The following FYB2 variants were observed in gnomAD, a reference collection of about 807,000 sequenced individuals.
The protein encoded by FYB2 is FYN binding protein 2, also known as FYN-binding protein 2.
FYB2 carries 103 observed loss-of-function variants against 94.1 expected under a neutral mutation model. The ratio of observed to expected loss-of-function variants is 1.09; its 90% CI spans 0.93 to 1.29. The LOEUF (loss-of-function observed/expected upper bound fraction) is 1.29, where lower values mean the gene tolerates loss of function less well. FYB2 is among the 50% of genes most tolerant of loss of function. The pLI, the probability that FYB2 is intolerant of heterozygous loss-of-function variation, is 0.00. For synonymous variants in FYB2, 293 were observed against 287.9 expected, an observed-to-expected ratio of 1.02 and a Z score of -0.18; for missense variants, 896 against 841.5, an observed-to-expected ratio of 1.06 and a Z score of -0.80.
intron 1 of FYB2, among the ~76,000 whole-genome samples, chr1:56,798,115 A>C (rs1646441879): frequency 6.6e-6 from 1 of 152,236 alleles, no homozygotes; most frequent in South Asian, 2.1e-4. Flanking sequence ...GAGTCAGTGA[A>C]TAGATATTTA....
chr1:56,768,877 G>A (rs1221470629), intron 4 of FYB2, among the ~76,000 whole-genome samples: 3 of 152,024 alleles, frequency 2.0e-5, no homozygotes, highest in Admixed American at 6.6e-5. Context: ...AAGCCATTAG[G>A]TAAAAACAAG....
At position 56,819,316 on chromosome 1, in the gene FYB2, G is replaced by C. The variant is rs746997146; in HGVS notation, c.-26C>G. On this transcript the variant is annotated 5_prime_UTR_variant, in exon 1 of 20. Transcript: ENST00000343433. The stretch of plus-strand genomic sequence containing the variant: ...TGCTTTCCTCCAAGGCAGAGTCAGG[G>C]AAACAAGCCCAGCCTCTCAGAGCTG... 2 of 1,614,128 alleles carry C rather than the reference G, an allele frequency of 1.2e-6. No individual in the cohort carries two copies. The highest frequency in any genetic ancestry group is 2.2e-5 in the East Asian group (1 of 44,872).
intron 15 of FYB2, among the ~76,000 whole-genome samples, chr1:56,735,370 G>C (rs1644807281): frequency 6.6e-6 from 1 of 152,068 alleles, no homozygotes; most frequent in Non-Finnish European, 1.5e-5. Flanking sequence ...AGAAAGTTAA[G>C]CACGACATGT....
intron 5 of FYB2, among the ~76,000 whole-genome samples, chr1:56,759,243 T>C (rs767661015): frequency 1.6e-4 from 25 of 152,178 alleles, no homozygotes; most frequent in Non-Finnish European, 3.2e-4. Context: ...AATAGTTCTG[T>C]GGATTTTATT....
At chr1:56,824,267 G>A (rs185492967), upstream of FYB2, 174 of 152,396 alleles carry the variant, frequency 1.1e-3, 6 homozygotes, top group East Asian at 0.021. Flanking sequence ...TTTGTGTCTC[G>A]TGAGGGCCAC....
chr1:56,821,450 AC>A (rs1646991135), upstream of FYB2, among the ~76,000 whole-genome samples: 1 of 152,180 alleles, frequency 6.6e-6, no homozygotes, highest in Admixed American at 6.5e-5. Context: ...TGTATGTCTT[AC>A]GATCCTCTAG....
chr1:56,780,331 C>A (rs1170411026), intron 4 of FYB2, among the ~76,000 whole-genome samples: 1 of 152,212 alleles, frequency 6.6e-6, no homozygotes, highest in Non-Finnish European at 1.5e-5. Context: ...GATCCCTCTG[C>A]ACAGAAAATG....
At chr1:56,736,969 G>A in intron 15 of FYB2, 118 bp downstream of exon 15, 2 of 804,232 alleles carry the variant, frequency 2.5e-6, no homozygotes, top group South Asian at 3.3e-5. Context: ...ACTATCTTAA[G>A]TTGACTTTTC....
chr1:56,730,241 G>T (rs967266672), intron 15 of FYB2, among the ~76,000 whole-genome samples: 1 of 144,362 alleles, frequency 6.9e-6, no homozygotes, highest in Non-Finnish European at 1.5e-5. Context: ...CAAAAAGCTG[G>T]TGTTTTGAAA....
intron 1 of FYB2, among the ~76,000 whole-genome samples, chr1:56,801,655 T>C (rs1377957540): frequency 6.6e-6 from 1 of 152,218 alleles, no homozygotes; most frequent in Non-Finnish European, 1.5e-5. Context: ...CCCTTTCATC[T>C]TACCCACTTG....
At chr1:56,795,506 T>C (rs1646376041) in intron 1 of FYB2, among the ~76,000 whole-genome samples, 1 of 152,164 alleles carries the variant, frequency 6.6e-6, no homozygotes, top group South Asian at 2.1e-4. Flanking sequence ...AGAAGTGAAA[T>C]TGCTGGACTA....
At position 56,790,811 on chromosome 1, in the gene FYB2, C is replaced by T. The variant is rs139498037; in HGVS notation, c.757+1245G>A. Among the ~76,000 whole-genome samples the T allele has an allele frequency of 2.0e-3, 309 of 152,276 alleles. 1 individual carries two copies. The highest frequency in any genetic ancestry group is 6.7e-3 in the African/African-American group (279 of 41,562). On this transcript the variant is annotated intron_variant, in intron 2 of 19. Transcript: ENST00000343433. ...GTGAGCTGTTGATGATGAGGCAGTA[C>T]ACTTTATAGAGAGAGGTTAGAGAAA... is the stretch of plus-strand genomic sequence containing the variant.
intron 4 of FYB2, among the ~76,000 whole-genome samples, chr1:56,779,759 GA>G (rs1180942106): frequency 1.3e-5 from 2 of 152,030 alleles, no homozygotes; most frequent in African/African-American, 4.8e-5. Flanking sequence ...AAATAAAGGT[GA>G]AAAATATATA....
intron 4 of FYB2, among the ~76,000 whole-genome samples, chr1:56,782,835 G>A (rs536617242): frequency 1.1e-3 from 168 of 152,196 alleles, no homozygotes; most frequent in African/African-American, 3.8e-3. Context: ...ATGTGTCTGA[G>A]TCAGATTCCC....
chr1:56,816,776 C>T (rs750970459), intron 1 of FYB2, among the ~76,000 whole-genome samples: 4 of 152,188 alleles, frequency 2.6e-5, no homozygotes, highest in Non-Finnish European at 5.9e-5. Context: ...TGCTTTCAAA[C>T]CTGCTCTGTG....
Position 56,744,234 on chromosome 1 carries a change from C to G in FYB2, c.1420G>C (p.Glu474Gln), listed in dbSNP as rs139281548. 7 of 1,612,102 alleles carry G rather than the reference C, an allele frequency of 4.3e-6. No individual in the cohort carries two copies. In the African/African-American group the frequency reaches 6.7e-5, roughly 15 times the overall value. The change falls in exon 10 of 20, where the codon GAA (glutamate) becomes CAA (glutamine). Residue 474 changes from glutamate to glutamine, a missense_variant. By Grantham distance (29) the Glu-to-Gln change is conservative. Coordinates refer to ENST00000343433, the MANE Select transcript of FYB2 (RefSeq NM_001004303.5). ...GHLEVLESTK[E>Q]TPDLGVSKTS... is the part of the protein sequence containing the mutation. ...TTAGAGACCCCTAGGTCTGGAGTTT[C>G]TTTAGTTGACTCCAAAACCTCCAGA...
chr1:56,768,841 A>G (rs17114306), intron 4 of FYB2, among the ~76,000 whole-genome samples: 10,313 of 152,140 alleles, frequency 0.068, 1,051 homozygotes, highest in African/African-American at 0.22. Flanking sequence ...TGTTTTTAGT[A>G]TTCCAAGAAA....
Position 56,720,339 on chromosome 1 carries a change from G to A in FYB2, c.1975-10C>T. ...TAATCTCTTTGTCGTACTGAAATGA[G>A]AAATTACTAATCAGACCATTCTTGC... On this transcript the variant is annotated splice_polypyrimidine_tract_variant and intron_variant, in intron 17 of 19. Coordinates refer to ENST00000343433, the MANE Select transcript of FYB2 (RefSeq NM_001004303.5). The A allele has an allele frequency of 6.3e-7, 1 of 1,590,628 alleles. No individual in the cohort carries two copies. The highest frequency in any genetic ancestry group is 1.4e-5 in the African/African-American group (1 of 73,880).
chr1:56,738,781 C>T (rs1644886463), intron 13 of FYB2, 128 bp from the exon 14 acceptor site: 1 of 906,660 alleles, frequency 1.1e-6, no homozygotes, highest in African/African-American at 1.7e-5. Flanking sequence ...TCTCTGACTC[C>T]AAGTAAAAAT....
Sources: gnomAD v4.1 joint callset for allele counts (sites outside exome capture counted in the v4.1 genomes callset) on GRCh38, gnomAD v4.1.1 for gene constraint, MANE v1.5 for transcripts, NCBI Gene and HGNC (gene_info 2026-07-23, HGNC 2026-07-21) for gene names.